LRRFIP1: variants seen among roughly 807,000 people sequenced by gnomAD.
LRRFIP1 encodes the protein LRR binding FLII interacting protein 1, also known as leucine-rich repeat flightless-interacting protein 1.
A neutral mutation model predicts 104.4 loss-of-function variants in LRRFIP1; 62 were observed. That is an observed-to-expected ratio of 0.59 (90% confidence interval 0.48 to 0.73). LRRFIP1 has a LOEUF of 0.73. Ranked by LOEUF, LRRFIP1 falls within the 30% of genes least tolerant of loss-of-function variation. The pLI, the probability that LRRFIP1 is intolerant of heterozygous loss-of-function variation, is 0.00. For missense variants in LRRFIP1, 796 were observed against 824.5 expected (o/e 0.97, Z 0.42); for synonymous variants, 300 against 299.0 (o/e 1.00, Z -0.03).
At chr2:237,755,297 C>T (rs180936287) in intron 15 of LRRFIP1, among the ~76,000 whole-genome samples, 4,834 of 152,316 alleles carry the variant, frequency 0.032, 94 homozygotes, top group Middle Eastern at 0.12. Context: ...CTGTTTTTGT[C>T]TCTTAAGGGG....
chr2:237,739,932 A>G (rs1025001370), intron 11 of LRRFIP1, among the ~76,000 whole-genome samples: 1 of 152,106 alleles, frequency 6.6e-6, no homozygotes, highest in South Asian at 2.1e-4. Flanking sequence ...AAGAGTTTGC[A>G]GGACGGTTTT....
chr2:237,660,968 G>A (rs1461267423), intron 1 of LRRFIP1, among the ~76,000 whole-genome samples: 2 of 152,200 alleles, frequency 1.3e-5, no homozygotes, highest in African/African-American at 4.8e-5. Flanking sequence ...GAGGGAGGAG[G>A]AAGCTCTCGG....
At chr2:237,698,813 A>G (rs1206708509) in intron 1 of LRRFIP1, among the ~76,000 whole-genome samples, 1 of 152,224 alleles carries the variant, frequency 6.6e-6, no homozygotes, top group Non-Finnish European at 1.5e-5. Flanking sequence ...GAGAGACGAG[A>G]GATCCACACT....
At chr2:237,699,753 C>T (rs147302001) in intron 1 of LRRFIP1, among the ~76,000 whole-genome samples, 1 of 152,322 alleles carries the variant, frequency 6.6e-6, no homozygotes, top group African/African-American at 2.4e-5. Flanking sequence ...GCCCTGCCCC[C>T]CCGCCCCAAT....
intron 11 of LRRFIP1, among the ~76,000 whole-genome samples, chr2:237,741,414 G>C (rs1337681753): frequency 6.6e-6 from 1 of 152,204 alleles, no homozygotes; most frequent in African/African-American, 2.4e-5. Context: ...ATACTCTATA[G>C]TAGAGCAATA....
At chr2:237,700,653 C>T (rs913486604) in intron 1 of LRRFIP1, among the ~76,000 whole-genome samples, 8 of 152,198 alleles carry the variant, frequency 5.3e-5, no homozygotes, top group Non-Finnish European at 1.0e-4. Flanking sequence ...CATCTGACAT[C>T]TGAGGAGAGC....
At chr2:237,637,990 GC>G (rs2083340418) in intron 1 of LRRFIP1, among the ~76,000 whole-genome samples, 1 of 152,182 alleles carries the variant, frequency 6.6e-6, no homozygotes, top group Non-Finnish European at 1.5e-5. Flanking sequence ...TAAGACAGCA[GC>G]CCCCAATCTT....
chr2:237,661,298 C>T lies in LRRFIP1; in HGVS notation c.96+33558C>T, dbSNP rs563807604. 3.3e-5 allele frequency among the ~76,000 whole-genome samples: 5 copies of T among 152,292 alleles called. No homozygotes were observed. Among genetic ancestry groups the T allele is most frequent in the Admixed American group, 6.5e-5 (1 of 15,298 alleles). ...CCTGGCTGCTGCTAATTCTGGAGGA[C>T]ACAGTGGGGTGGGCCACATAATGGA... On this transcript the variant is annotated intron_variant, in intron 1 of 23. Transcript: ENST00000308482. This position sits in a 1 kb window ranked among gnomAD's most constrained non-coding sequence, Gnocchi z 4.4.
At chr2:237,747,664 G>A (rs754906853) in intron 11 of LRRFIP1, among the ~76,000 whole-genome samples, 6 of 152,190 alleles carry the variant, frequency 3.9e-5, no homozygotes, top group Non-Finnish European at 4.4e-5. Flanking sequence ...CAGTTGCCGC[G>A]CATGTCTTTG....
intron 19 of LRRFIP1, chr2:237,764,806 A>G (rs1169393296): frequency 1.4e-4 from 139 of 985,762 alleles, no homozygotes; most frequent in Non-Finnish European, 1.6e-4. Context: ...TTTGGATCTC[A>G]TTGTTGATAT....
intron 19 of LRRFIP1, 185 bp from the exon 20 acceptor site, chr2:237,769,758 C>A: frequency 1.7e-6 from 1 of 581,722 alleles, no homozygotes; most frequent in South Asian, 2.1e-5. Flanking sequence ...GGGAGGTTGA[C>A]CCAACCTCCT....
intron 1 of LRRFIP1, among the ~76,000 whole-genome samples, chr2:237,702,500 A>G (rs1481531482): frequency 1.3e-5 from 2 of 152,136 alleles, no homozygotes; most frequent in African/African-American, 2.4e-5. Flanking sequence ...GGATCTTGTC[A>G]GAGGAGCTCC....
intron 23 of LRRFIP1, among the ~76,000 whole-genome samples, chr2:237,776,707 C>T (rs1281105396): frequency 2.0e-5 from 3 of 152,098 alleles, no homozygotes; most frequent in Non-Finnish European, 2.9e-5. Flanking sequence ...TTCACGTGGC[C>T]GCATCAGCTT....
intron 1 of LRRFIP1, among the ~76,000 whole-genome samples, chr2:237,696,745 C>T (rs937949730): frequency 3.3e-5 from 5 of 152,244 alleles, no homozygotes; most frequent in Non-Finnish European, 7.3e-5. Context: ...GTATGCAATG[C>T]TGCAGGCAGG....
intron 16 of LRRFIP1, among the ~76,000 whole-genome samples, chr2:237,756,822 T>G (rs1216300995): frequency 6.6e-6 from 1 of 152,176 alleles, no homozygotes; most frequent in Non-Finnish European, 1.5e-5. Flanking sequence ...CCTTACATGG[T>G]TAAAGGGCCC....
intron 1 of LRRFIP1, among the ~76,000 whole-genome samples, chr2:237,693,048 A>G (rs1279819114): frequency 6.6e-6 from 1 of 152,216 alleles, no homozygotes; most frequent in Non-Finnish European, 1.5e-5. Flanking sequence ...CCCAGCGCGG[A>G]CAGGATCCTG....
At chr2:237,666,866 T>C (rs77910290) in intron 1 of LRRFIP1, among the ~76,000 whole-genome samples, 1 of 150,452 alleles carries the variant, frequency 6.6e-6, no homozygotes, top group African/African-American at 2.5e-5. Flanking sequence ...TCTTTCTTTC[T>C]TCTCTTTCTC....
chr2:237,692,397 G>A, intron 1 of LRRFIP1: 1 of 1,420,580 alleles, frequency 7.0e-7, no homozygotes, highest in South Asian at 1.4e-5. Context: ...GCCCGCGAGG[G>A]GCTCCCGGCG....
chr2:237,635,121 C>T (rs1477134381), intron 1 of LRRFIP1, among the ~76,000 whole-genome samples: 2 of 152,204 alleles, frequency 1.3e-5, no homozygotes, highest in Non-Finnish European at 2.9e-5. Context: ...GGAACACATC[C>T]TTCAGTAGCT....
Sources: gnomAD v4.1 joint callset for allele counts (sites outside exome capture counted in the v4.1 genomes callset) on GRCh38, gnomAD v4.1.1 for gene constraint, Gnocchi (gnomAD v3.1) non-coding constraint, MANE v1.5 for transcripts, NCBI Gene and HGNC (gene_info 2026-07-23, HGNC 2026-07-21) for gene names.